The following ADGRB3 variants were observed in gnomAD, a reference collection of about 807,000 sequenced individuals.
The protein encoded by ADGRB3 is brain-specific angiogenesis inhibitor 3.
Under a neutral mutation model 193.4 loss-of-function variants are expected in ADGRB3, and 37 were observed. That is an observed-to-expected ratio of 0.19 (90% CI 0.15 to 0.25). ADGRB3 has a LOEUF of 0.25. ADGRB3 is among the 10% of genes least tolerant of loss of function. The pLI is 1.00. For synonymous variants in ADGRB3, 690 were observed against 644.2 expected, an observed-to-expected ratio of 1.07 and a Z score of -1.08; for missense variants, 1,637 against 1,852.9, an observed-to-expected ratio of 0.88 and a Z score of 2.14.
chr6:69,274,140 T>A (rs1767240109), intron 20 of ADGRB3, among the ~76,000 whole-genome samples: 1 of 152,200 alleles, frequency 6.6e-6, no homozygotes, highest in South Asian at 2.1e-4. Context: ...AAAGATTACC[T>A]ATACATTGAA....
intron 20 of ADGRB3, among the ~76,000 whole-genome samples, chr6:69,261,161 G>A (rs1256904377): frequency 2.0e-5 from 3 of 152,128 alleles, no homozygotes; most frequent in African/African-American, 7.2e-5. Context: ...GTAGCAGCAA[G>A]GCTAATCTAT....
At chr6:68,688,943 G>C (rs540755011) in intron 3 of ADGRB3, among the ~76,000 whole-genome samples, 2 of 152,064 alleles carry the variant, frequency 1.3e-5, no homozygotes, top group African/African-American at 2.4e-5. Context: ...TACTCTGTCA[G>C]ATTATAGATT....
chr6:69,126,700 C>T (rs985530944), intron 17 of ADGRB3, among the ~76,000 whole-genome samples: 2 of 150,346 alleles, frequency 1.3e-5, no homozygotes, highest in African/African-American at 4.8e-5. Context: ...AATACCCTCA[C>T]AGACATACCT....
intron 10 of ADGRB3, among the ~76,000 whole-genome samples, chr6:68,987,355 C>A (rs147913981): frequency 5.3e-5 from 8 of 151,974 alleles, no homozygotes; most frequent in Non-Finnish European, 1.0e-4. Flanking sequence ...GCTTTAGAAA[C>A]GGTTACACAT....
chr6:68,788,580 G>C (rs1369802721), intron 3 of ADGRB3, among the ~76,000 whole-genome samples: 1 of 152,124 alleles, frequency 6.6e-6, no homozygotes, highest in Non-Finnish European at 1.5e-5. Context: ...CCAACTATGT[G>C]GTCCGTTTTG....
chr6:68,727,985 G>A (rs966847059), intron 3 of ADGRB3, among the ~76,000 whole-genome samples: 1 of 151,368 alleles, frequency 6.6e-6, no homozygotes, highest in African/African-American at 2.4e-5. Flanking sequence ...TATTTCTCAG[G>A]AGCTTAATAT....
intron 3 of ADGRB3, among the ~76,000 whole-genome samples, chr6:68,787,722 A>C (rs1767005782): frequency 2.0e-5 from 3 of 152,186 alleles, no homozygotes; most frequent in African/African-American, 7.2e-5. Context: ...TAGTTTCAGA[A>C]AGAATGCTAC....
chr6:69,117,337 T>G (rs568809668), intron 17 of ADGRB3, among the ~76,000 whole-genome samples: 1 of 152,222 alleles, frequency 6.6e-6, no homozygotes, highest in South Asian at 2.1e-4. Context: ...TTCTCAACAG[T>G]AGGTGGATTG....
At chr6:68,693,680 G>T (rs1765113548) in intron 3 of ADGRB3, among the ~76,000 whole-genome samples, 2 of 151,954 alleles carry the variant, frequency 1.3e-5, no homozygotes, top group Admixed American at 1.3e-4. Context: ...TTAGGCTTAT[G>T]AAAATTAACT....
chr6:69,014,844 GA>G (rs1027312530), intron 12 of ADGRB3, among the ~76,000 whole-genome samples: 157 of 149,700 alleles, frequency 1.0e-3, no homozygotes, highest in African/African-American at 3.6e-3. Flanking sequence ...AGACAATCTT[GA>G]AAAAAAAAGA....
chr6:69,283,557 G>C (rs1352708872), intron 20 of ADGRB3, among the ~76,000 whole-genome samples: 1 of 151,966 alleles, frequency 6.6e-6, no homozygotes, highest in East Asian at 1.9e-4. Context: ...AATTGTGACA[G>C]CGTGAACTTT....
Position 68,639,518 on chromosome 6 carries a change from ATTAT to A in ADGRB3, c.757+91_757+94del, listed in dbSNP as rs898976175. The A allele has an allele frequency of 9.5e-5, 131 of 1,384,080 alleles. 1 individual carries two copies. Among genetic ancestry groups the A allele is most frequent in the Non-Finnish European group, 1.1e-4 (119 of 1,048,830 alleles). 85.7% of individuals were successfully genotyped at this position (1,384,080 alleles called of 1,614,324 possible). A position where few individuals can be genotyped will look rare whatever the true frequency, so the allele number is the denominator to read the frequency against. On this transcript the variant is annotated intron_variant, in intron 3 of 31. Transcript: ENST00000370598. ...CGTGCTGTTTCAACACACAGGCCTA[ATTAT>A]TTATCCTTTATTGTCACTTTTTGAT...
intron 17 of ADGRB3, among the ~76,000 whole-genome samples, chr6:69,077,773 C>A (rs1772275611): frequency 1.3e-5 from 2 of 151,860 alleles, no homozygotes; most frequent in Non-Finnish European, 2.9e-5. Context: ...AGAAAACTAT[C>A]CAGGGAGAGG....
intron 31 of ADGRB3, among the ~76,000 whole-genome samples, chr6:69,386,751 A>C (rs1770079473): frequency 6.6e-6 from 1 of 151,998 alleles, no homozygotes; most frequent in Non-Finnish European, 1.5e-5. Context: ...AACCACACAT[A>C]TGTGTTCGTG....
chr6:69,172,280 A>G (rs994703260), intron 17 of ADGRB3, among the ~76,000 whole-genome samples: 1 of 152,140 alleles, frequency 6.6e-6, no homozygotes, highest in Non-Finnish European at 1.5e-5. Context: ...GTGGTATAGC[A>G]ATGACCAATA....
At chr6:69,128,029 G>A (rs1293188404) in intron 17 of ADGRB3, among the ~76,000 whole-genome samples, 4 of 152,014 alleles carry the variant, frequency 2.6e-5, no homozygotes, top group Admixed American at 1.3e-4. Context: ...TTAAGAGTCA[G>A]TATGATATGT....
At chr6:69,030,528 C>T (rs1770611544) in intron 13 of ADGRB3, among the ~76,000 whole-genome samples, 1 of 152,122 alleles carries the variant, frequency 6.6e-6, no homozygotes, top group Non-Finnish European at 1.5e-5. Flanking sequence ...GAAAATCAAA[C>T]ACCGCATGTT....
chr6:68,696,807 T>A (rs1010690554), intron 3 of ADGRB3, among the ~76,000 whole-genome samples: 5 of 152,064 alleles, frequency 3.3e-5, no homozygotes, highest in Non-Finnish European at 5.9e-5. Context: ...GAAGCAAATT[T>A]AGACAAATTG....
At chr6:69,251,269 C>T (rs1766611731) in intron 20 of ADGRB3, among the ~76,000 whole-genome samples, 2 of 152,184 alleles carry the variant, frequency 1.3e-5, no homozygotes, top group Admixed American at 1.3e-4. Context: ...GTATGTTCTG[C>T]AGATAAAATA....
Sources: allele counts gnomAD v4.1 joint callset (sites outside exome capture counted in the v4.1 genomes callset), GRCh38; gene constraint gnomAD v4.1.1; transcripts MANE v1.5; gene names NCBI Gene and HGNC (gene_info 2026-07-23, HGNC 2026-07-21).